Variants in NALF1 observed in about 807,000 individuals in gnomAD.
The protein encoded by NALF1 is NALCN channel auxiliary factor 1.
A neutral mutation model predicts 48.4 loss-of-function variants in NALF1; 3 were observed. That is an observed-to-expected ratio of 0.06 (90% confidence interval 0.03 to 0.16). The LOEUF (loss-of-function observed/expected upper bound fraction) is 0.16. Among genes scored for constraint, NALF1 ranks in the 10% least tolerant of loss-of-function variants. The pLI is 1.00. For synonymous variants in NALF1, 262 were observed against 245.7 expected, an observed-to-expected ratio of 1.07 and a Z score of -0.62; for missense variants, 526 against 571.5, an observed-to-expected ratio of 0.92 and a Z score of 0.81.
intron 1 of NALF1, among the ~76,000 whole-genome samples, chr13:107,769,894 A>AT (rs969650172): frequency 1.3e-5 from 2 of 151,020 alleles, no homozygotes; most frequent in African/African-American, 2.4e-5. Flanking sequence ...TCAAAATTCA[A>AT]TTTTTTTTGC....
At chr13:107,459,928 G>A (rs778119825) in intron 1 of NALF1, among the ~76,000 whole-genome samples, 10 of 152,056 alleles carry the variant, frequency 6.6e-5, no homozygotes, top group Non-Finnish European at 1.2e-4. Context: ...TCTTTGTAGA[G>A]ATGGGGTTTC....
chr13:107,712,656 C>G (rs1875639316), intron 1 of NALF1, among the ~76,000 whole-genome samples: 1 of 152,170 alleles, frequency 6.6e-6, no homozygotes, highest in Admixed American at 6.5e-5. Flanking sequence ...TCTCGCCAGA[C>G]AGTGGACTGC....
At chr13:107,832,548 C>A (rs1181364834) in intron 1 of NALF1, among the ~76,000 whole-genome samples, 2 of 152,142 alleles carry the variant, frequency 1.3e-5, no homozygotes, top group African/African-American at 4.8e-5. Context: ...CATCACCCTT[C>A]AAAAACTTGT....
At chr13:107,280,857 T>A (rs992244228) in intron 1 of NALF1, among the ~76,000 whole-genome samples, 2 of 152,164 alleles carry the variant, frequency 1.3e-5, no homozygotes, top group South Asian at 4.1e-4. Flanking sequence ...CAACTCAAAA[T>A]TGCATCCCTG....
chr13:107,292,970 C>G (rs898594890), intron 1 of NALF1, among the ~76,000 whole-genome samples: 1 of 144,912 alleles, frequency 6.9e-6, no homozygotes, highest in Non-Finnish European at 1.5e-5. Context: ...CATTTTTCAG[C>G]TCCGTTATAG....
In NALF1 at chr13:107,168,968, TTTTAA is replaced by T. The variant is rs1430509393; in HGVS notation, c.*1524_*1528del. Reference sequence around the variant, plus strand: ...AATAGGAAGGAATGTAAAATTTTTTTTTTAATTATTTGTTTTGTTTGTTTGTTTGT... The same window carrying T: ...AATAGGAAGGAATGTAAAATTTTTTTTTATTTGTTTTGTTTGTTTGTTTGT... On this transcript the variant is annotated 3_prime_UTR_variant, in exon 3 of 3. Transcript: ENST00000375915. 1 of 152,596 alleles carries T rather than the reference TTTTAA, an allele frequency of 6.6e-6. No individual in the cohort carries two copies. The highest frequency in any genetic ancestry group is 2.4e-5 in the African/African-American group (1 of 41,454). 9.5% of individuals were successfully genotyped at this position (152,596 alleles called of 1,614,324 possible). A position where few individuals can be genotyped will look rare whatever the true frequency, so the allele number is the denominator to read the frequency against.
intron 1 of NALF1, among the ~76,000 whole-genome samples, chr13:107,566,004 A>T (rs1877799043): frequency 6.6e-6 from 1 of 152,176 alleles, no homozygotes; most frequent in Non-Finnish European, 1.5e-5. Context: ...CAGTTAAGAG[A>T]TAATTATATT....
At chr13:107,535,263 T>G (rs1361117828) in intron 1 of NALF1, among the ~76,000 whole-genome samples, 1 of 152,156 alleles carries the variant, frequency 6.6e-6, no homozygotes, top group Non-Finnish European at 1.5e-5. Context: ...TGTGCCAGTT[T>G]TCCAAGGGAA....
chr13:107,865,642 G>A lies in NALF1; in HGVS notation c.915+40C>T, dbSNP rs745512634. ...AAGACACCCCAACCAAGCAGAGATA[G>A]GAAAGTGCAGGAAAGGGGGAAACCC... On this transcript the variant is annotated intron_variant, in intron 1 of 2. Coordinates refer to ENST00000375915, the MANE Select transcript of NALF1 (RefSeq NM_001080396.3). The A allele has an allele frequency of 3.2e-6, 5 of 1,587,242 alleles. No individual in the cohort carries two copies. In the South Asian group the frequency reaches 5.7e-5, roughly 18 times the overall value.
At chr13:107,229,910 G>A (rs1324812240) in intron 1 of NALF1, among the ~76,000 whole-genome samples, 1 of 152,138 alleles carries the variant, frequency 6.6e-6, no homozygotes, top group Non-Finnish European at 1.5e-5. Context: ...CAGTGCAAGA[G>A]GTAAGAAAAA....
At chr13:107,849,710 A>C (rs1880262112) in intron 1 of NALF1, among the ~76,000 whole-genome samples, 1 of 152,140 alleles carries the variant, frequency 6.6e-6, no homozygotes. Flanking sequence ...ACTCACTCTC[A>C]ATTGGAGGAG....
At chr13:107,784,269 A>G (rs909437318) in intron 1 of NALF1, among the ~76,000 whole-genome samples, 16 of 152,224 alleles carry the variant, frequency 1.1e-4, no homozygotes, top group African/African-American at 2.9e-4. Context: ...CAACCCGAAC[A>G]GGAGGTGAAA....
intron 1 of NALF1, among the ~76,000 whole-genome samples, chr13:107,395,206 A>AT (rs1159104615): frequency 2.0e-5 from 3 of 152,094 alleles, no homozygotes; most frequent in Non-Finnish European, 4.4e-5. Context: ...TTGACAGGTG[A>AT]TTTTTTAAAA....
At chr13:107,233,156 G>C (rs1211050075) in intron 1 of NALF1, among the ~76,000 whole-genome samples, 1 of 152,146 alleles carries the variant, frequency 6.6e-6, no homozygotes, top group Non-Finnish European at 1.5e-5. Context: ...AAAGGGATCT[G>C]CTTTAATTAT....
At chr13:107,368,188 A>G (rs915156546) in intron 1 of NALF1, among the ~76,000 whole-genome samples, 1 of 152,192 alleles carries the variant, frequency 6.6e-6, no homozygotes, top group Non-Finnish European at 1.5e-5. Context: ...AAGTTATAAC[A>G]CCAATATGGC....
chr13:107,681,874 G>A (rs1186236191), intron 1 of NALF1, among the ~76,000 whole-genome samples: 5 of 152,194 alleles, frequency 3.3e-5, no homozygotes, highest in Admixed American at 3.3e-4. Flanking sequence ...TGAAATGACA[G>A]AGTGGCCTCG....
At chr13:107,427,298 C>T (rs1472009060) in intron 1 of NALF1, among the ~76,000 whole-genome samples, 1 of 151,808 alleles carries the variant, frequency 6.6e-6, no homozygotes, top group Non-Finnish European at 1.5e-5. Context: ...AAATACTGTG[C>T]ATTTTGTATA....
chr13:107,738,309 G>C (rs143885018), intron 1 of NALF1, among the ~76,000 whole-genome samples: 81 of 152,292 alleles, frequency 5.3e-4, no homozygotes, highest in African/African-American at 1.8e-3. Flanking sequence ...TTCTGGATAA[G>C]AGGTCACCAC....
chr13:107,463,068 G>A (rs544415420), intron 1 of NALF1, among the ~76,000 whole-genome samples: 12 of 152,278 alleles, frequency 7.9e-5, no homozygotes, highest in Middle Eastern at 6.8e-3. Flanking sequence ...GAGGGAAGAG[G>A]TCAGAAGATG....
Sources: gnomAD v4.1 joint callset for allele counts (sites outside exome capture counted in the v4.1 genomes callset) on GRCh38, gnomAD v4.1.1 for gene constraint, MANE v1.5 for transcripts, NCBI Gene and HGNC (gene_info 2026-07-23, HGNC 2026-07-21) for gene names.